The following TMEM135 variants were observed in gnomAD, a reference collection of about 807,000 sequenced individuals.
TMEM135 encodes transmembrane protein 135.
In TMEM135, 30 loss-of-function variants were observed where a neutral mutation model predicts 60.3. The ratio of observed to expected loss-of-function variants is 0.50; its 90% CI spans 0.37 to 0.68. The LOEUF (loss-of-function observed/expected upper bound fraction) is 0.68. TMEM135 is among the 30% of genes least tolerant of loss of function. The pLI is 0.00. For synonymous variants in TMEM135, 190 were observed against 186.7 expected (o/e 1.02, Z -0.14); for missense variants, 468 against 548.8 (o/e 0.85, Z 1.47).
chr11:87,173,988 A>T (rs1474465456), intron 5 of TMEM135, among the ~76,000 whole-genome samples: 1 of 152,194 alleles, frequency 6.6e-6, no homozygotes, highest in Non-Finnish European at 1.5e-5. Flanking sequence ...GTTTCTTTGC[A>T]TAAAGTAAAT....
intron 6 of TMEM135, among the ~76,000 whole-genome samples, chr11:87,273,222 C>A (rs929824143): frequency 6.6e-6 from 1 of 152,226 alleles, no homozygotes; most frequent in East Asian, 1.9e-4. Context: ...CTGAGCAATT[C>A]TGGACAAGAC....
intron 4 of TMEM135, among the ~76,000 whole-genome samples, chr11:87,098,798 C>T (rs551716416): frequency 1.3e-5 from 2 of 152,146 alleles, no homozygotes; most frequent in South Asian, 4.1e-4. Flanking sequence ...ATGCCATTCT[C>T]CTGCCTCAGC....
At chr11:87,257,314 C>G (rs11235046) in intron 6 of TMEM135, among the ~76,000 whole-genome samples, 53,804 of 151,972 alleles carry the variant, frequency 0.35, 10,082 homozygotes, top group Non-Finnish European at 0.42. Flanking sequence ...CTATAACTCA[C>G]TGTGTCTTTC....
Position 87,259,101 on chromosome 11 carries a change from AC to A in TMEM135, c.509+22420del. ...AGAAGAGGTTCTGGCCGCAGACCGG[AC>A]CCTCTTCGGAAACATCTCCATCAGG... On this transcript the variant is annotated intron_variant, in intron 6 of 14. Coordinates refer to ENST00000305494, the MANE Select transcript of TMEM135 (RefSeq NM_022918.4). The A allele has an allele frequency of 6.3e-6, 6 of 957,602 alleles. No homozygotes were observed. The Admixed American group carries it at 1.1e-4, about 17-fold the overall frequency. The allele number at this position is 957,602 out of a possible 1,614,324, so 59.3% of individuals were successfully genotyped here. A position where few individuals can be genotyped will look rare whatever the true frequency, so the allele number is the denominator to read the frequency against.
chr11:87,208,066 A>G (rs1463573665), intron 5 of TMEM135, among the ~76,000 whole-genome samples: 1 of 152,214 alleles, frequency 6.6e-6, no homozygotes, highest in African/African-American at 2.4e-5. Context: ...ACCTTAGAAT[A>G]AAAAAGCCCC....
intron 14 of TMEM135, 126 bp downstream of exon 14, chr11:87,319,503 C>T (rs1942787016): frequency 5.7e-6 from 4 of 703,760 alleles, no homozygotes; most frequent in Non-Finnish European, 9.7e-6. Flanking sequence ...CTAAGAATAA[C>T]ATGGGGCGTT....
At chr11:87,128,675 C>G (rs925301213) in intron 4 of TMEM135, among the ~76,000 whole-genome samples, 1 of 152,096 alleles carries the variant, frequency 6.6e-6, no homozygotes, top group African/African-American at 2.4e-5. Context: ...TGTCAATTTG[C>G]AAACACTTTG....
At chr11:87,241,379 A>T (rs1043195182) in intron 6 of TMEM135, among the ~76,000 whole-genome samples, 1 of 152,096 alleles carries the variant, frequency 6.6e-6, no homozygotes, top group Admixed American at 6.6e-5. Context: ...TTTTATAGGT[A>T]TATAGTAGGT....
chr11:87,071,251 A>G (rs553055949), intron 2 of TMEM135, among the ~76,000 whole-genome samples: 1 of 152,328 alleles, frequency 6.6e-6, no homozygotes, highest in African/African-American at 2.4e-5. Context: ...ATAATTTAAT[A>G]TGTGGGGTAA....
At chr11:87,310,193 G>C (rs1942618073) in intron 10 of TMEM135, among the ~76,000 whole-genome samples, 1 of 151,996 alleles carries the variant, frequency 6.6e-6, no homozygotes, top group Non-Finnish European at 1.5e-5. Context: ...CAAATAACCA[G>C]AGTTCACAGT....
chr11:87,061,875 T>C (rs998958890), intron 1 of TMEM135, among the ~76,000 whole-genome samples: 4 of 152,232 alleles, frequency 2.6e-5, no homozygotes, highest in Non-Finnish European at 5.9e-5. Flanking sequence ...TTTGTATCAC[T>C]CTTCAGTCTG....
chr11:87,096,830 C>T (rs879828450), intron 4 of TMEM135, among the ~76,000 whole-genome samples: 1 of 152,172 alleles, frequency 6.6e-6, no homozygotes, highest in Admixed American at 6.5e-5. Flanking sequence ...AACCATCTGT[C>T]TTTTAGCCAT....
chr11:87,249,767 C>G (rs1046074249), intron 6 of TMEM135, among the ~76,000 whole-genome samples: 2 of 152,012 alleles, frequency 1.3e-5, no homozygotes, highest in Non-Finnish European at 2.9e-5. Context: ...ATATATTGAC[C>G]TGTAGTTTTC....
chr11:87,241,196 G>A (rs1941125085), intron 6 of TMEM135, among the ~76,000 whole-genome samples: 1 of 152,078 alleles, frequency 6.6e-6, no homozygotes, highest in Non-Finnish European at 1.5e-5. Context: ...TGAAAGACTT[G>A]TGATTATTCT....
At chr11:87,222,863 C>A (rs561764317) in intron 5 of TMEM135, among the ~76,000 whole-genome samples, 1 of 152,068 alleles carries the variant, frequency 6.6e-6, no homozygotes, top group African/African-American at 2.4e-5. Context: ...ATATCACTCT[C>A]TAATCTATAA....
At chr11:87,113,964 G>C (rs551873425) in intron 4 of TMEM135, among the ~76,000 whole-genome samples, 1 of 152,112 alleles carries the variant, frequency 6.6e-6, no homozygotes, top group South Asian at 2.1e-4. Flanking sequence ...TATTGCTATT[G>C]TCATTGTTGT....
chr11:87,047,976 G>A (rs1350889790), intron 1 of TMEM135, among the ~76,000 whole-genome samples: 1 of 89,276 alleles, frequency 1.1e-5, no homozygotes, highest in Non-Finnish European at 2.0e-5. Flanking sequence ...CTGAGAATGG[G>A]CAGACTGCCT....
intron 5 of TMEM135, among the ~76,000 whole-genome samples, chr11:87,207,782 CCT>C (rs942324432): frequency 6.0e-4 from 91 of 152,206 alleles, no homozygotes; most frequent in African/African-American, 2.0e-3. Flanking sequence ...GTCCCCACTG[CCT>C]CTGCTGGAGC....
intron 6 of TMEM135, among the ~76,000 whole-genome samples, chr11:87,255,068 C>T (rs942432731): frequency 6.6e-6 from 1 of 152,116 alleles, no homozygotes; most frequent in Non-Finnish European, 1.5e-5. Context: ...CTTTTCCTTT[C>T]CTTCCTCTTT....
Sources: allele counts gnomAD v4.1 joint callset (sites outside exome capture counted in the v4.1 genomes callset), GRCh38; gene constraint gnomAD v4.1.1; transcripts MANE v1.5; gene names NCBI Gene and HGNC (gene_info 2026-07-23, HGNC 2026-07-21).